The following CTIF variants were observed in gnomAD, a reference collection of about 807,000 sequenced individuals.
CTIF encodes the protein cap binding complex dependent translation initiation factor, also known as CBP80/20-dependent translation initiation factor.
CTIF carries 21 observed loss-of-function variants against 66.0 expected under a neutral mutation model. The observed-to-expected ratio is 0.32, with a 90% CI of 0.23 to 0.46. The LOEUF (loss-of-function observed/expected upper bound fraction) is 0.46. CTIF is among the 20% of genes least tolerant of loss of function. The pLI is 1.00. For missense variants in CTIF, 739 were observed against 812.7 expected (o/e 0.91, Z 1.10); for synonymous variants, 345 against 326.4 (o/e 1.06, Z -0.62).
intron 3 of CTIF, among the ~76,000 whole-genome samples, chr18:48,644,958 T>C (rs28410171): frequency 0.11 from 17,247 of 152,274 alleles, 1,148 homozygotes; most frequent in African/African-American, 0.18. Flanking sequence ...ATTATCTCAC[T>C]GCAGCCTCAG....
chr18:48,626,177 T>A (rs917284968), intron 2 of CTIF, among the ~76,000 whole-genome samples: 3 of 151,630 alleles, frequency 2.0e-5, no homozygotes, highest in African/African-American at 7.3e-5. Context: ...AATTTTCGTA[T>A]TTTTAGTAAA....
rs562351734 is a variant in CTIF, at chr18:48,761,116, A to G, written c.1072-274A>G. ...AAGATATTTGATGGACAAATAAACA[A>G]AAAAAGCCAATGTATATGAGAATCC... is the stretch of plus-strand genomic sequence containing the variant. On this transcript the variant is annotated intron_variant, in intron 8 of 11. Transcript: ENST00000256413. The surrounding 1 kb of genome is among the most constrained non-coding windows in gnomAD (Gnocchi z 4.2). 3 of 346,934 alleles carry G rather than the reference A, an allele frequency of 8.6e-6. No homozygotes were observed. In the Admixed American group the frequency reaches 1.4e-4, roughly 16 times the overall value. 21.5% of individuals were successfully genotyped at this position (346,934 alleles called of 1,614,324 possible).
At chr18:48,776,926 C>T (rs180978690) in intron 9 of CTIF, among the ~76,000 whole-genome samples, 1 of 152,312 alleles carries the variant, frequency 6.6e-6, no homozygotes, top group African/African-American at 2.4e-5. Context: ...CCTGGCTGGG[C>T]GACCTCAGGC....
intron 1 of CTIF, among the ~76,000 whole-genome samples, chr18:48,608,702 A>G (rs1054634212): frequency 6.6e-6 from 1 of 152,234 alleles, no homozygotes; most frequent in Non-Finnish European, 1.5e-5. Context: ...CTGCAAGGCC[A>G]CAGCCTGCTG....
At position 48,718,568 on chromosome 18, in the gene CTIF, C is replaced by G. The variant is rs142756242; in HGVS notation, c.584+6873C>G. Among the ~76,000 whole-genome samples the G allele has an allele frequency of 5.5e-3, 834 of 152,294 alleles. 6 individuals carry two copies. Among genetic ancestry groups the G allele is most frequent in the African/African-American group, 0.018 (754 of 41,568 alleles). On this transcript the variant is annotated intron_variant, in intron 7 of 11. Coordinates refer to ENST00000256413, the MANE Select transcript of CTIF (RefSeq NM_014772.3). ...GGGCAGGAGAAGATGGATGTCGCCA[C>G]TCAAGAAGAGGGAGTGAAGTCACCC... is the stretch of plus-strand genomic sequence containing the variant.
chr18:48,645,560 G>A (rs148808470), intron 3 of CTIF, among the ~76,000 whole-genome samples: 1 of 152,266 alleles, frequency 6.6e-6, no homozygotes, highest in East Asian at 1.9e-4. Context: ...GGCCAGTGGG[G>A]AGCTGTGACT....
chr18:48,817,167 C>T, intron 9 of CTIF, 54 bp from the exon 10 acceptor site: 1 of 1,577,022 alleles, frequency 6.3e-7, no homozygotes, highest in South Asian at 1.2e-5. Flanking sequence ...CAGGGTGGCA[C>T]CCAGGCCCCT....
At chr18:48,691,010 C>G (rs1038016122) in intron 6 of CTIF, among the ~76,000 whole-genome samples, 5 of 152,156 alleles carry the variant, frequency 3.3e-5, no homozygotes, top group African/African-American at 1.2e-4. Context: ...GAGCATGGTG[C>G]ACGTGCCTGT....
chr18:48,711,568 G>T, intron 6 of CTIF, 51 bp from the exon 7 acceptor site: 1 of 1,452,198 alleles, frequency 6.9e-7, no homozygotes, highest in East Asian at 2.3e-5. Context: ...GAGGTGCTTT[G>T]CTCTCTTTCA....
At chr18:48,591,073 A>G (rs932267123) in intron 1 of CTIF, among the ~76,000 whole-genome samples, 2 of 151,974 alleles carry the variant, frequency 1.3e-5, no homozygotes, top group African/African-American at 4.8e-5. Context: ...TTCCAAACCA[A>G]CCTGGGAAGT....
intron 6 of CTIF, among the ~76,000 whole-genome samples, chr18:48,687,587 C>T (rs1307751624): frequency 3.3e-5 from 5 of 152,184 alleles, no homozygotes. Flanking sequence ...GTGGGAAAGA[C>T]TCTTCCTCAG....
At chr18:48,763,889 C>T (rs1399126383) in intron 9 of CTIF, among the ~76,000 whole-genome samples, 2 of 152,144 alleles carry the variant, frequency 1.3e-5, no homozygotes, top group African/African-American at 4.8e-5. Context: ...AACCCACTCA[C>T]CCCATATAGT....
At chr18:48,653,682 A>G (rs2091197460) in intron 3 of CTIF, among the ~76,000 whole-genome samples, 1 of 152,156 alleles carries the variant, frequency 6.6e-6, no homozygotes, top group East Asian at 1.9e-4. Context: ...ATCCTAAGCA[A>G]AAAGAACAAA....
chr18:48,677,559 G>A (rs955409209), intron 6 of CTIF, among the ~76,000 whole-genome samples: 4 of 152,108 alleles, frequency 2.6e-5, no homozygotes, highest in African/African-American at 4.8e-5. Context: ...TTACCCTCAC[G>A]TTGTCCCATG....
chr18:48,834,351 CA>C (rs1242896329), intron 10 of CTIF, among the ~76,000 whole-genome samples: 1 of 152,048 alleles, frequency 6.6e-6, no homozygotes, highest in African/African-American at 2.4e-5. Flanking sequence ...GTATATGTCA[CA>C]AAATATTCTT....
intron 9 of CTIF, among the ~76,000 whole-genome samples, chr18:48,772,251 G>A (rs1264196986): frequency 6.6e-5 from 10 of 152,162 alleles, no homozygotes; most frequent in African/African-American, 2.4e-4. Context: ...CCACAGAGGA[G>A]GAAGAGGGCA....
chr18:48,771,047 T>C (rs528631531), intron 9 of CTIF, among the ~76,000 whole-genome samples: 1 of 152,276 alleles, frequency 6.6e-6, no homozygotes, highest in East Asian at 1.9e-4. Context: ...CAATGAGTGC[T>C]TTTAGACTAT....
chr18:48,858,017 C>G (rs1343102769), intron 11 of CTIF, among the ~76,000 whole-genome samples: 1 of 152,274 alleles, frequency 6.6e-6, no homozygotes, highest in Non-Finnish European at 1.5e-5. Context: ...CAATGCAGTG[C>G]TGGCACAGCC....
At chr18:48,613,151 T>G (rs546085455) in intron 1 of CTIF, among the ~76,000 whole-genome samples, 2 of 152,234 alleles carry the variant, frequency 1.3e-5, no homozygotes, top group South Asian at 4.1e-4. Context: ...TTAAAAGGAT[T>G]GGCTAAATTG....
Sources: allele counts gnomAD v4.1 joint callset (sites outside exome capture counted in the v4.1 genomes callset), GRCh38; gene constraint gnomAD v4.1.1; non-coding constraint Gnocchi (gnomAD v3.1); transcripts MANE v1.5; gene names NCBI Gene and HGNC (gene_info 2026-07-23, HGNC 2026-07-21).